Variants in TBL1X observed in about 807,000 individuals in gnomAD.
TBL1X encodes F-box-like/WD repeat-containing protein TBL1X.
TBL1X carries 10 observed loss-of-function variants against 50.7 expected under a neutral mutation model. That is an observed-to-expected ratio of 0.20 (90% CI 0.12 to 0.33). TBL1X has a LOEUF of 0.33. Among genes scored for constraint, TBL1X ranks in the 10% least tolerant of loss-of-function variants. The pLI, the probability that TBL1X is intolerant of heterozygous loss-of-function variation, is 1.00. For synonymous variants in TBL1X, 190 were observed against 214.7 expected (o/e 0.88, Z 1.01); for missense variants, 340 against 504.4 (o/e 0.67, Z 3.12).
chrX:9,469,832 G>A (rs73186361), intron 1 of TBL1X, among the ~76,000 whole-genome samples: 1 of 112,099 alleles, frequency 8.9e-6, no homozygotes, highest in Non-Finnish European at 1.9e-5. Flanking sequence ...GAAGTCTTGG[G>A]GATCCCATCT....
At chrX:9,530,640 T>G (rs896941004) in intron 2 of TBL1X, among the ~76,000 whole-genome samples, 3 of 112,455 alleles carry the variant, frequency 2.7e-5, no homozygotes, top group Non-Finnish European at 5.6e-5. Flanking sequence ...ATTTACATGT[T>G]TCTTTTAAAA....
chrX:9,662,493 G>A lies in TBL1X; in HGVS notation c.211+8171G>A, dbSNP rs746395608. Among the ~76,000 whole-genome samples, 3 of 112,477 alleles carry A rather than the reference G, an allele frequency of 2.7e-5. No individual in the cohort carries two copies. The South Asian group carries it at 1.1e-3, about 42-fold the overall frequency. ...GGCAAATACTGTAGGATTCCACTTAGAAGGGATACCTCGAGGAGTCTAATC... is the reference window on the plus strand; with the variant it reads ...GGCAAATACTGTAGGATTCCACTTAAAAGGGATACCTCGAGGAGTCTAATC... On this transcript the variant is annotated intron_variant, in intron 5 of 17. Transcript: ENST00000645353.
intron 5 of TBL1X, among the ~76,000 whole-genome samples, chrX:9,681,537 G>A (rs1247468690): frequency 8.9e-6 from 1 of 112,278 alleles, no homozygotes; most frequent in Admixed American, 9.4e-5. Flanking sequence ...GGTCAGAATC[G>A]GCTCTGTTTC....
intron 3 of TBL1X, among the ~76,000 whole-genome samples, chrX:9,652,521 G>A (rs1189307499): frequency 8.9e-6 from 1 of 112,661 alleles, no homozygotes; most frequent in Non-Finnish European, 1.9e-5. Flanking sequence ...ACTTGCAAAT[G>A]TGTGATATAG....
At chrX:9,648,741 C>T (rs770515988) in intron 3 of TBL1X, among the ~76,000 whole-genome samples, 23 of 112,624 alleles carry the variant, frequency 2.0e-4, no homozygotes, top group African/African-American at 6.8e-4. Context: ...GTGACCTTCT[C>T]TGTGCTTGAG....
chrX:9,622,722 G>C (rs1041852438), intron 2 of TBL1X, among the ~76,000 whole-genome samples: 1 of 111,751 alleles, frequency 8.9e-6, no homozygotes. Context: ...GGCTGGTCTC[G>C]AACTCCTGGT....
intron 2 of TBL1X, among the ~76,000 whole-genome samples, chrX:9,543,781 T>C (rs2082227343): frequency 9.0e-6 from 1 of 111,215 alleles, no homozygotes; most frequent in South Asian, 3.8e-4. Flanking sequence ...AAATCGAAAA[T>C]TCCAGTATCA....
At chrX:9,683,766 T>C (rs765123289) in intron 5 of TBL1X, among the ~76,000 whole-genome samples, 1 of 111,428 alleles carries the variant, frequency 9.0e-6, no homozygotes, top group Admixed American at 9.5e-5. Flanking sequence ...TGTTCTGCTT[T>C]GTTCTTAATA....
intron 5 of TBL1X, among the ~76,000 whole-genome samples, chrX:9,655,989 G>A (rs2082863216): frequency 8.8e-6 from 1 of 112,996 alleles, no homozygotes; most frequent in African/African-American, 3.2e-5. Context: ...CTCCCAGCTA[G>A]TGTTATTCAT....
rs763246226 is a variant in TBL1X at position 9,716,564 on chromosome X, G to A, written c.*318G>A. 162 of 174,418 alleles carry A rather than the reference G, an allele frequency of 9.3e-4. No homozygotes were observed. Among genetic ancestry groups the A allele is most frequent in the Non-Finnish European group, 1.4e-3 (135 of 94,668 alleles). 14.4% of individuals were successfully genotyped at this position (174,418 alleles called of 1,213,427 possible). On this transcript the variant is annotated 3_prime_UTR_variant, in exon 18 of 18. Transcript: ENST00000645353. Reference sequence around the variant, plus strand: ...TCCACCCGGAACAGGCTCTGTGATGGCTGAATGGAAAGAAACGTAAAAAGC... The same window carrying A: ...TCCACCCGGAACAGGCTCTGTGATGACTGAATGGAAAGAAACGTAAAAAGC...
intron 6 of TBL1X, among the ~76,000 whole-genome samples, chrX:9,684,784 G>A (rs2083047482): frequency 9.0e-6 from 1 of 111,729 alleles, no homozygotes; most frequent in Non-Finnish European, 1.9e-5. Context: ...CGCCACATCT[G>A]AAAAAGATAC....
At chrX:9,645,161 G>C (rs145249775) in intron 3 of TBL1X, 3,318 of 111,563 alleles carry the variant, frequency 0.03, 125 homozygotes, top group African/African-American at 0.1. Context: ...GTGGCACGAT[G>C]TCGGCTCACT....
intron 2 of TBL1X, among the ~76,000 whole-genome samples, chrX:9,572,724 A>G (rs768903830): frequency 6.2e-5 from 7 of 112,775 alleles, no homozygotes; most frequent in Non-Finnish European, 9.4e-5. Flanking sequence ...CATTTGCTGC[A>G]AAGTAGGACA....
At chrX:9,560,232 A>G (rs917651922) in intron 2 of TBL1X, among the ~76,000 whole-genome samples, 8 of 112,162 alleles carry the variant, frequency 7.1e-5, no homozygotes, top group Admixed American at 4.7e-4. Context: ...CCATGTGTGA[A>G]TGATAGCATC....
Position 9,465,424 on chromosome X carries a change from A to T in TBL1X, c.-224A>T, listed in dbSNP as rs911968913. The T allele has an allele frequency of 9.0e-6, 1 of 110,750 alleles. No homozygotes were observed. The highest frequency in any genetic ancestry group is 3.3e-5 in the African/African-American group (1 of 30,717). The allele number at this position is 110,750 out of a possible 1,213,427, so 9.1% of individuals were successfully genotyped here. A position where few individuals can be genotyped will look rare whatever the true frequency, so the allele number is the denominator to read the frequency against. On this transcript the variant is annotated 5_prime_UTR_variant, in exon 1 of 18. Transcript: ENST00000645353. Reference sequence around the variant, plus strand: ...GCGCGGCCGGGCGCGCGGCGCCGCCACAAGTTGCGCTGCTCGCGACGAGGT... The same window carrying T: ...GCGCGGCCGGGCGCGCGGCGCCGCCTCAAGTTGCGCTGCTCGCGACGAGGT...
At chrX:9,463,525 A>G (rs1272391814), upstream of TBL1X, 1 of 112,341 alleles carries the variant, frequency 8.9e-6, no homozygotes, top group Non-Finnish European at 1.9e-5. Context: ...GTTTTGCATC[A>G]TTGACGTTTT....
chrX:9,492,078 G>C (rs1464173608), intron 1 of TBL1X, among the ~76,000 whole-genome samples: 2 of 111,901 alleles, frequency 1.8e-5, no homozygotes, highest in African/African-American at 6.5e-5. Flanking sequence ...AAATAACTTT[G>C]TTATGAAATA....
At chrX:9,685,170 A>C in intron 6 of TBL1X, among the ~76,000 whole-genome samples, 1 of 112,209 alleles carries the variant, frequency 8.9e-6, no homozygotes, top group Non-Finnish European at 1.9e-5. Context: ...TTTTGGTTTT[A>C]AACCACACAC....
chrX:9,475,394 C>T (rs1027014152), intron 1 of TBL1X, among the ~76,000 whole-genome samples: 3 of 109,887 alleles, frequency 2.7e-5, no homozygotes, highest in Non-Finnish European at 5.7e-5. Context: ...AGGTGCCCAC[C>T]ACCACCACGC....
Sources: gnomAD v4.1 joint callset for allele counts (sites outside exome capture counted in the v4.1 genomes callset) on GRCh38, gnomAD v4.1.1 for gene constraint, MANE v1.5 for transcripts, NCBI Gene and HGNC (gene_info 2026-07-23, HGNC 2026-07-21) for gene names.